The following ZKSCAN1 variants were observed in gnomAD, a reference collection of about 807,000 sequenced individuals.
The protein encoded by ZKSCAN1 is zinc finger with KRAB and SCAN domains 1.
Under a neutral mutation model 51.6 loss-of-function variants are expected in ZKSCAN1, and 14 were observed. That is an observed-to-expected ratio of 0.27 (90% confidence interval 0.18 to 0.42). The LOEUF is 0.42. ZKSCAN1 is among the 10% of genes least tolerant of loss of function. ZKSCAN1 has a pLI of 1.00. For synonymous variants in ZKSCAN1, 263 were observed against 261.5 expected (o/e 1.01, Z -0.06); for missense variants, 531 against 710.0 (o/e 0.75, Z 2.86).
At position 100,040,965 on chromosome 7, in the gene ZKSCAN1, A is replaced by T; in HGVS notation, c.*6768A>T. 1 of 985,306 alleles carries T rather than the reference A, an allele frequency of 1.0e-6. No homozygotes were observed. Among genetic ancestry groups the T allele is most frequent in the East Asian group, 1.1e-4 (1 of 8,814 alleles). 61.0% of individuals were successfully genotyped at this position (985,306 alleles called of 1,614,324 possible). A position where few individuals can be genotyped will look rare whatever the true frequency, so the allele number is the denominator to read the frequency against. ...CAGGAAAATCTTGTCCTAAAAATATATGAGTTTGGGGGTAAGGGGTGGGAT... is the reference window on the plus strand; with the variant it reads ...CAGGAAAATCTTGTCCTAAAAATATTTGAGTTTGGGGGTAAGGGGTGGGAT... On this transcript the variant is annotated 3_prime_UTR_variant, in exon 6 of 6. Coordinates refer to ENST00000324306, the MANE Select transcript of ZKSCAN1 (RefSeq NM_003439.4).
At chr7:100,042,760 G>GTGTGTGTA (rs987128687), downstream of ZKSCAN1, among the ~76,000 whole-genome samples, 1 of 146,506 alleles carries the variant, frequency 6.8e-6, no homozygotes, top group Non-Finnish European at 1.5e-5. Context: ...GTGTGTGTGT[G>GTGTGTGTA]TATACGAATA....
intron 4 of ZKSCAN1, 90 bp from the exon 5 acceptor site, chr7:100,030,159 G>A (rs1196612465): frequency 1.3e-6 from 2 of 1,553,942 alleles, no homozygotes; most frequent in Admixed American, 1.8e-5. Context: ...CTGTAGCTTT[G>A]CAGCCACCTC....
intron 3 of ZKSCAN1, chr7:100,024,645 A>T (rs893335876): frequency 2.0e-5 from 4 of 198,622 alleles, no homozygotes; most frequent in Non-Finnish European, 3.1e-5. Flanking sequence ...CACACCTGTA[A>T]TCCCAGCACT....
chr7:100,026,725 A>G (rs1790852597), intron 3 of ZKSCAN1, among the ~76,000 whole-genome samples: 1 of 151,912 alleles, frequency 6.6e-6, no homozygotes, highest in Non-Finnish European at 1.5e-5. Flanking sequence ...ACTCTGTCTC[A>G]GAAAAAAAAA....
At chr7:100,029,089 G>A (rs998109777) in intron 3 of ZKSCAN1, among the ~76,000 whole-genome samples, 4 of 150,020 alleles carry the variant, frequency 2.7e-5, no homozygotes, top group Non-Finnish European at 4.4e-5. Flanking sequence ...ACTTGAACCC[G>A]GGAGCCGAAA....
At position 100,041,565 on chromosome 7, in the gene ZKSCAN1, T is replaced by C; in HGVS notation, c.*7368T>C. 1.0e-6 allele frequency: 1 copy of C among 985,408 alleles called. No individual in the cohort carries two copies. 61.0% of individuals were successfully genotyped at this position (985,408 alleles called of 1,614,324 possible). The stretch of plus-strand genomic sequence containing the variant: ...GGTCCATTTTAGGAAGCCAGTGGCG[T>C]CTGATAAAGAAATGTTAAGAGTAGT... On this transcript the variant is annotated 3_prime_UTR_variant, in exon 6 of 6. Transcript: ENST00000324306.
intron 4 of ZKSCAN1, 134 bp downstream of exon 4, chr7:100,030,086 C>A: frequency 7.2e-7 from 1 of 1,381,838 alleles, no homozygotes; most frequent in Non-Finnish European, 1.0e-6. Context: ...CTCCTTTTAG[C>A]ATCTTTCTAC....
intron 3 of ZKSCAN1, among the ~76,000 whole-genome samples, chr7:100,027,516 C>G (rs552040365): frequency 6.6e-6 from 1 of 151,180 alleles, no homozygotes; most frequent in Non-Finnish European, 1.5e-5. Flanking sequence ...TTTGGGAAGC[C>G]GAGGCAGGAG....
At chr7:100,024,799 C>T (rs1790748014) in intron 3 of ZKSCAN1, 1 of 152,192 alleles carries the variant, frequency 6.6e-6, no homozygotes, top group Non-Finnish European at 1.4e-5. Context: ...ACTCGGGAGG[C>T]TGAGGCAGGA....
At position 100,034,707 on chromosome 7, in the gene ZKSCAN1, T is replaced by C. The variant is rs926695338; in HGVS notation, c.*510T>C. On this transcript the variant is annotated 3_prime_UTR_variant, in exon 6 of 6. Coordinates refer to ENST00000324306, the MANE Select transcript of ZKSCAN1 (RefSeq NM_003439.4). Reference sequence around the variant, plus strand: ...CAAGGTAGTTATATATACGATAAGTTGTATATATGATCACTGGTAGCCTAC... The same window carrying C: ...CAAGGTAGTTATATATACGATAAGTCGTATATATGATCACTGGTAGCCTAC... The C allele has an allele frequency of 3.4e-6, 1 of 290,634 alleles. No individual in the cohort carries two copies. Among genetic ancestry groups the C allele is most frequent in the East Asian group, 1.7e-4 (1 of 5,742 alleles). The allele number at this position is 290,634 out of a possible 1,614,324, so 18.0% of individuals were successfully genotyped here.
chr7:100,026,954 A>AT (rs1295903543), intron 3 of ZKSCAN1, among the ~76,000 whole-genome samples: 1 of 151,892 alleles, frequency 6.6e-6, no homozygotes, highest in Non-Finnish European at 1.5e-5. Context: ...TTTGTTAAAA[A>AT]TTCATACACC....
At chr7:100,016,687 A>T (rs1376533652) in intron 1 of ZKSCAN1, 1 of 152,316 alleles carries the variant, frequency 6.6e-6, no homozygotes, top group Non-Finnish European at 1.5e-5. Flanking sequence ...CCCCCTGTAC[A>T]CAGTAAGATA....
In ZKSCAN1 at chr7:100,038,194, G is replaced by A. The variant is rs1414067219; in HGVS notation, c.*3997G>A. 8.1e-6 allele frequency: 8 copies of A among 985,218 alleles called. No individual in the cohort carries two copies. The highest frequency in any genetic ancestry group is 1.7e-5 in the African/African-American group (1 of 57,200). The allele number at this position is 985,218 out of a possible 1,614,324, so 61.0% of individuals were successfully genotyped here. A position where few individuals can be genotyped will look rare whatever the true frequency, so the allele number is the denominator to read the frequency against. On this transcript the variant is annotated 3_prime_UTR_variant, in exon 6 of 6. Coordinates refer to ENST00000324306, the MANE Select transcript of ZKSCAN1 (RefSeq NM_003439.4). ...TGACCATAATGTCCGTGTGTGTTTTGTACCTTCAGTCCCTTGTTATTGTTC... is the reference window on the plus strand; with the variant it reads ...TGACCATAATGTCCGTGTGTGTTTTATACCTTCAGTCCCTTGTTATTGTTC...
At chr7:100,019,254 T>G (rs568579508) in intron 1 of ZKSCAN1, 1 of 152,412 alleles carries the variant, frequency 6.6e-6, no homozygotes, top group South Asian at 2.1e-4. Context: ...TCACCCAGGC[T>G]GGAGTGCAGT....
intron 2 of ZKSCAN1, 104 bp downstream of exon 2, chr7:100,024,036 C>A: frequency 2.0e-6 from 3 of 1,522,052 alleles, no homozygotes; most frequent in South Asian, 1.3e-5. Flanking sequence ...GTTACTCTGT[C>A]TTAAAAATGT....
At position 100,041,086 on chromosome 7, in the gene ZKSCAN1, T is replaced by G; in HGVS notation, c.*6889T>G. 4 of 921,896 alleles carry G rather than the reference T, an allele frequency of 4.3e-6. No individual in the cohort carries two copies. The South Asian group carries it at 1.5e-4, about 35-fold the overall frequency. The allele number at this position is 921,896 out of a possible 1,614,324, so 57.1% of individuals were successfully genotyped here. Reference sequence around the variant, plus strand: ...TTTTACAACGAGGTCAGCATAAGCCTAAATCTATATAGAGGGCTAACTCAG... The same window carrying G: ...TTTTACAACGAGGTCAGCATAAGCCGAAATCTATATAGAGGGCTAACTCAG... On this transcript the variant is annotated 3_prime_UTR_variant, in exon 6 of 6. Coordinates refer to ENST00000324306, the MANE Select transcript of ZKSCAN1 (RefSeq NM_003439.4).
Position 100,023,890 on chromosome 7 carries a change from G to A in ZKSCAN1, c.384G>A (p.Val128=), listed in dbSNP as rs1790702195. ...GCCCCGATAGTGGAGAGGAGGCCGT[G>A]ACCCTTCTAGAAGACTTGGAGCTTG... ...EYRPDSGEEA[V]TLLEDLELDL... is the part of the protein sequence containing the mutation. The change falls in exon 2 of 6, where the codon GTG becomes GTA. Residue 128 remains valine, a synonymous_variant. Coordinates refer to ENST00000324306, the MANE Select transcript of ZKSCAN1 (RefSeq NM_003439.4). 1.2e-6 allele frequency: 2 copies of A among 1,607,638 alleles called. No homozygotes were observed. The highest frequency in any genetic ancestry group is 1.3e-5 in the African/African-American group (1 of 74,666).
chr7:100,041,779 A>G, downstream of ZKSCAN1: 1 of 974,476 alleles, frequency 1.0e-6, no homozygotes. Context: ...AAAGTATTCC[A>G]AAGTTAAAAG....
At position 100,040,360 on chromosome 7, in the gene ZKSCAN1, A is replaced by T; in HGVS notation, c.*6163A>T. ...GAATCTGAGATTCTCACCTCCATTT[A>T]CTAAAGAATCGTGACTTAATTCAAA... On this transcript the variant is annotated 3_prime_UTR_variant, in exon 6 of 6. Transcript: ENST00000324306. The T allele has an allele frequency of 1.0e-6, 1 of 985,482 alleles. No homozygotes were observed. Among genetic ancestry groups the T allele is most frequent in the Non-Finnish European group, 1.2e-6 (1 of 829,940 alleles). 61.0% of individuals were successfully genotyped at this position (985,482 alleles called of 1,614,324 possible).
Sources: gnomAD v4.1 joint callset for allele counts (sites outside exome capture counted in the v4.1 genomes callset) on GRCh38, gnomAD v4.1.1 for gene constraint, MANE v1.5 for transcripts, NCBI Gene and HGNC (gene_info 2026-07-23, HGNC 2026-07-21) for gene names.